The following WASF2 variants were observed in gnomAD, a reference collection of about 807,000 sequenced individuals.
WASF2 encodes the protein WASP family member 2, also known as actin-binding protein WASF2.
WASF2 carries 14 observed loss-of-function variants against 45.0 expected under a neutral mutation model. The ratio of observed to expected loss-of-function variants is 0.31; its 90% CI spans 0.21 to 0.49. WASF2 has a LOEUF of 0.49. WASF2 is among the 20% of genes least tolerant of loss of function. WASF2 has a pLI of 0.99. For synonymous variants in WASF2, 200 were observed against 236.3 expected, an observed-to-expected ratio of 0.85 and a Z score of 1.41; for missense variants, 439 against 636.1, an observed-to-expected ratio of 0.69 and a Z score of 3.33.
chr1:27,441,967 G>A (rs1473344620), intron 1 of WASF2, among the ~76,000 whole-genome samples: 1 of 150,216 alleles, frequency 6.7e-6, no homozygotes, highest in African/African-American at 2.4e-5. Context: ...TCAGCTGAGT[G>A]CAGTGGTGTG....
rs1301181725 is a variant in WASF2 at position 27,406,727 on chromosome 1, C to G, written c.*1462G>C. 1 of 152,132 alleles carries G rather than the reference C, an allele frequency of 6.6e-6. No individual in the cohort carries two copies. Among genetic ancestry groups the G allele is most frequent in the East Asian group, 1.9e-4 (1 of 5,188 alleles). 9.4% of individuals were successfully genotyped at this position (152,132 alleles called of 1,614,324 possible). On this transcript the variant is annotated 3_prime_UTR_variant, in exon 9 of 9. Transcript: ENST00000618852. ...AGCGGGAAGGGAGGGAGGGAGGGAG[C>G]GAGCTTCACCATGTGCAGTGAGGGG...
At chr1:27,443,222 G>A (rs566601417) in intron 1 of WASF2, among the ~76,000 whole-genome samples, 1 of 147,518 alleles carries the variant, frequency 6.8e-6, no homozygotes, top group South Asian at 2.2e-4. Flanking sequence ...TGTGGTCCCA[G>A]CTACCTGGGA....
At chr1:27,449,325 C>G (rs2017351068) in intron 1 of WASF2, among the ~76,000 whole-genome samples, 1 of 152,150 alleles carries the variant, frequency 6.6e-6, no homozygotes, top group South Asian at 2.1e-4. Flanking sequence ...AGGCCAGGTG[C>G]GGTAGCTCAC....
At chr1:27,413,146 A>AT (rs1425759306) in intron 6 of WASF2, among the ~76,000 whole-genome samples, 6 of 152,222 alleles carry the variant, frequency 3.9e-5, no homozygotes, top group African/African-American at 1.4e-4. Flanking sequence ...ACACAGACTG[A>AT]TTTTGAGGTC....
chr1:27,408,299 C>G lies in WASF2; in HGVS notation c.1387G>C (p.Asp463His), dbSNP rs773730204. The G allele has an allele frequency of 3.1e-6, 5 of 1,614,082 alleles. No individual in the cohort carries two copies. Among genetic ancestry groups the G allele is most frequent in the Non-Finnish European group, 4.2e-6 (5 of 1,180,048 alleles). ...VEEQREQEKR[D>H]VVGNDVATIL... Reference sequence around the variant, plus strand: ...GTGGCCACGTCATTGCCCACAACATCCCGCTTCTCTTGTTCCCGCTGCTCC... The same window carrying G: ...GTGGCCACGTCATTGCCCACAACATGCCGCTTCTCTTGTTCCCGCTGCTCC... The change falls in exon 9 of 9, where the codon GAT becomes CAT. Residue 463 changes from aspartate (D) to histidine (H), a missense_variant. Physicochemically the swap from Asp to His is moderately conservative, Grantham distance 81 (BLOSUM62 -1). Transcript: ENST00000618852.
At chr1:27,479,357 G>T (rs1455618186) in intron 1 of WASF2, among the ~76,000 whole-genome samples, 1 of 152,014 alleles carries the variant, frequency 6.6e-6, no homozygotes, top group Admixed American at 6.6e-5. Flanking sequence ...CGAGGCTAAG[G>T]TGGGAGGATC....
intron 1 of WASF2, among the ~76,000 whole-genome samples, chr1:27,481,073 T>C (rs2148145039): frequency 7.2e-6 from 1 of 139,824 alleles, no homozygotes; most frequent in East Asian, 2.1e-4. Context: ...AAAGAATGCA[T>C]GTGTGGAGGT....
At chr1:27,453,755 G>C (rs2017417361) in intron 1 of WASF2, among the ~76,000 whole-genome samples, 1 of 152,016 alleles carries the variant, frequency 6.6e-6, no homozygotes, top group African/African-American at 2.4e-5. Flanking sequence ...GCCAGGCATG[G>C]TGGCACATGC....
At chr1:27,460,688 T>C (rs2017532206) in intron 1 of WASF2, among the ~76,000 whole-genome samples, 3 of 152,304 alleles carry the variant, frequency 2.0e-5, no homozygotes, top group Admixed American at 6.5e-5. Context: ...CGTCCAATCA[T>C]AGTCCCATAG....
chr1:27,424,560 T>A (rs1000340374), intron 2 of WASF2, among the ~76,000 whole-genome samples: 3 of 151,290 alleles, frequency 2.0e-5, no homozygotes, highest in Non-Finnish European at 4.4e-5. Context: ...CAGGCTGGAG[T>A]GCAGCAGTGC....
chr1:27,445,840 CTTTT>C (rs557290282), intron 1 of WASF2, among the ~76,000 whole-genome samples: 1 of 140,484 alleles, frequency 7.1e-6, no homozygotes, highest in Admixed American at 7.2e-5. Flanking sequence ...TCATCAGGGA[CTTTT>C]TTTTTTTTTT....
intron 1 of WASF2, among the ~76,000 whole-genome samples, chr1:27,434,452 C>T (rs2017105172): frequency 6.6e-6 from 1 of 152,214 alleles, no homozygotes; most frequent in African/African-American, 2.4e-5. Flanking sequence ...AGCCAACATC[C>T]ACTTGCATTC....
chr1:27,471,553 A>C (rs2017689251), intron 1 of WASF2, among the ~76,000 whole-genome samples: 1 of 152,088 alleles, frequency 6.6e-6, no homozygotes, highest in African/African-American at 2.4e-5. Flanking sequence ...ACTTCAGCCC[A>C]GGAAGCTGAG....
intron 1 of WASF2, among the ~76,000 whole-genome samples, chr1:27,469,943 CAA>C (rs368527250): frequency 7.2e-6 from 1 of 139,664 alleles, no homozygotes. Context: ...GACTCTGTGT[CAA>C]AAAAAAAAAG....
intron 1 of WASF2, among the ~76,000 whole-genome samples, chr1:27,465,637 G>A (rs1475569307): frequency 1.3e-5 from 2 of 152,164 alleles, no homozygotes; most frequent in Admixed American, 6.6e-5. Context: ...TAGAGACTAG[G>A]CAGAGGAAGC....
At chr1:27,474,906 C>A (rs942188702) in intron 1 of WASF2, among the ~76,000 whole-genome samples, 1 of 151,980 alleles carries the variant, frequency 6.6e-6, no homozygotes, top group Non-Finnish European at 1.5e-5. Flanking sequence ...GAGCCATGAT[C>A]GCACCACTGC....
intron 1 of WASF2, among the ~76,000 whole-genome samples, chr1:27,447,654 G>C (rs377185353): frequency 2.0e-5 from 3 of 152,136 alleles, no homozygotes; most frequent in African/African-American, 4.8e-5. Context: ...AATGGATTCC[G>C]AACAGTCACG....
intron 1 of WASF2, among the ~76,000 whole-genome samples, chr1:27,484,239 C>T (rs2017893106): frequency 6.6e-6 from 1 of 152,168 alleles, no homozygotes; most frequent in African/African-American, 2.4e-5. Context: ...CAGTCCACCT[C>T]ACTCTACAGT....
intron 1 of WASF2, among the ~76,000 whole-genome samples, chr1:27,454,285 G>A (rs1402248049): frequency 6.7e-6 from 1 of 149,250 alleles, no homozygotes; most frequent in East Asian, 2.0e-4. Context: ...GTAACTCCTG[G>A]GCTCAGGCAA....
Sources: gnomAD v4.1 joint callset for allele counts (sites outside exome capture counted in the v4.1 genomes callset) on GRCh38, gnomAD v4.1.1 for gene constraint, MANE v1.5 for transcripts, NCBI Gene and HGNC (gene_info 2026-07-23, HGNC 2026-07-21) for gene names.